Variants in PLCE1 observed in about 807,000 individuals in gnomAD.
PLCE1 encodes 1-phosphatidylinositol 4,5-bisphosphate phosphodiesterase epsilon-1.
A neutral mutation model predicts 242.8 loss-of-function variants in PLCE1; 119 were observed. The ratio of observed to expected loss-of-function variants is 0.49; its 90% CI spans 0.42 to 0.57. PLCE1 has a LOEUF of 0.57. PLCE1 is among the 20% of genes least tolerant of loss of function. The probability of loss-of-function intolerance (pLI) is 0.00; values close to 1 mark genes in which losing one functional copy is unlikely to be tolerated. For synonymous variants in PLCE1, 945 were observed against 1,017.4 expected (o/e 0.93, Z 1.35); for missense variants, 2,441 against 2,788.8 (o/e 0.88, Z 2.81).
At chr10:94,282,493 G>A (rs775146681) in intron 20 of PLCE1, among the ~76,000 whole-genome samples, 10 of 152,096 alleles carry the variant, frequency 6.6e-5, no homozygotes, top group Non-Finnish European at 1.3e-4. Context: ...ATCTGTTTCT[G>A]TACATTTGAA....
At chr10:94,069,478 T>C (rs1051285055) in intron 2 of PLCE1, among the ~76,000 whole-genome samples, 1 of 152,124 alleles carries the variant, frequency 6.6e-6, no homozygotes, top group African/African-American at 2.4e-5. Flanking sequence ...CCAGGAGTGG[T>C]GGCACATGCC....
At chr10:94,184,991 A>G (rs187020874) in intron 4 of PLCE1, among the ~76,000 whole-genome samples, 1 of 152,234 alleles carries the variant, frequency 6.6e-6, no homozygotes. Flanking sequence ...TAATTATCCT[A>G]TTAGGTACTG....
At chr10:94,213,142 G>A (rs979459445) in intron 4 of PLCE1, among the ~76,000 whole-genome samples, 12 of 152,120 alleles carry the variant, frequency 7.9e-5, no homozygotes, top group African/African-American at 2.9e-4. Context: ...TCTCATTTCA[G>A]GACATTCACT....
intron 22 of PLCE1, among the ~76,000 whole-genome samples, chr10:94,291,660 G>C (rs753724): frequency 2.0e-5 from 3 of 152,034 alleles, no homozygotes; most frequent in Non-Finnish European, 4.4e-5. Context: ...TTAGCACATC[G>C]TCGGGAGCAT....
At chr10:94,212,349 C>T (rs1054841075) in intron 4 of PLCE1, among the ~76,000 whole-genome samples, 1 of 152,156 alleles carries the variant, frequency 6.6e-6, no homozygotes, top group Admixed American at 6.5e-5. Context: ...CTCCGCCTCC[C>T]GGGTTCACGC....
rs577951879 is a variant in PLCE1, at chr10:94,031,128, G to A, written c.82G>A (p.Glu28Lys). 2 of 1,613,866 alleles carry A rather than the reference G, an allele frequency of 1.2e-6. No homozygotes were observed. The highest frequency in any genetic ancestry group is 2.2e-5 in the South Asian group (2 of 91,082). The part of the protein sequence containing the change: ...KVVSAQSAAD[E>K]SSEKVSDINI... ...GGTTTCTGCCCAGTCGGCTGCAGAT[G>A]AAAGTAGTGAAAAGGTCTCAGACAT... Residue 28 changes from glutamate to lysine, a missense_variant, in exon 2 of 33, where the codon GAA becomes AAA. Glu to Lys is a moderately conservative substitution (Grantham distance 56). Transcript: ENST00000371380.
At chr10:94,216,912 G>T (rs2049548607) in intron 4 of PLCE1, among the ~76,000 whole-genome samples, 1 of 151,480 alleles carries the variant, frequency 6.6e-6, no homozygotes, top group South Asian at 2.1e-4. Context: ...TGGCTGTGTG[G>T]GGAGCAAAGC....
chr10:94,135,132 A>G (rs987536282), intron 3 of PLCE1, among the ~76,000 whole-genome samples: 1 of 152,182 alleles, frequency 6.6e-6, no homozygotes, highest in African/African-American at 2.4e-5. Flanking sequence ...TGGGTTTCTC[A>G]CCACCAAAAA....
intron 5 of PLCE1, among the ~76,000 whole-genome samples, chr10:94,229,179 A>C (rs10882409): frequency 0.65 from 97,862 of 149,904 alleles, 32,295 homozygotes; most frequent in East Asian, 0.92. Flanking sequence ...GAAACTCTGT[A>C]TCAAAAAACA....
chr10:94,060,035 C>G (rs2044005556), intron 2 of PLCE1, among the ~76,000 whole-genome samples: 1 of 152,118 alleles, frequency 6.6e-6, no homozygotes, highest in Non-Finnish European at 1.5e-5. Flanking sequence ...CTTAAAAAGG[C>G]AGCAGAAAAC....
In PLCE1 at chr10:94,024,682, C is replaced by T. The variant is rs58193380; in HGVS notation, c.-364-6001C>T. 6.5e-3 allele frequency among the ~76,000 whole-genome samples: 988 copies of T among 152,138 alleles called. 15 individuals carry two copies. The highest frequency in any genetic ancestry group is 0.022 in the African/African-American group (927 of 41,514). On this transcript the variant is annotated intron_variant, in intron 1 of 32. Transcript: ENST00000371380. ...TTTTGTTATTGTTGTTAAGTCACAC[C>T]TCCTTTAAACACCTTTAATATGCTT...
Position 94,226,831 on chromosome 10 carries a change from C to CTCTTTTT in PLCE1, c.1810-474_1810-473insCTTTTTT, listed in dbSNP as rs67656949. On this transcript the variant is annotated intron_variant, in intron 4 of 32. Transcript: ENST00000371380. The stretch of plus-strand genomic sequence containing the variant: ...TATAAGAGATTAAGGACCTATAGGT[C>CTCTTTTT]TTTTTTTTTTTTTTTTTTTTTTTTT... Among the ~76,000 whole-genome samples, 532 of 101,762 alleles carry CTCTTTTT rather than the reference C, an allele frequency of 5.2e-3. 13 individuals carry two copies. The highest frequency in any genetic ancestry group is 9.1e-3 in the East Asian group (34 of 3,750). 66.8% of individuals were successfully genotyped at this position (101,762 alleles called of 152,430 possible).
intron 2 of PLCE1, among the ~76,000 whole-genome samples, chr10:94,054,929 G>A (rs560924238): frequency 2.7e-5 from 4 of 150,742 alleles, no homozygotes; most frequent in Admixed American, 1.3e-4. Flanking sequence ...GGAGAATGGC[G>A]TGAATCTGGG....
At chr10:94,270,819 G>A (rs190248670) in intron 18 of PLCE1, among the ~76,000 whole-genome samples, 3 of 152,124 alleles carry the variant, frequency 2.0e-5, no homozygotes, top group East Asian at 1.9e-4. Context: ...ACCAGCATGC[G>A]CCCCCATGCC....
chr10:94,105,875 A>G (rs1194763001), intron 2 of PLCE1: 1 of 152,230 alleles, frequency 6.6e-6, no homozygotes, highest in African/African-American at 2.4e-5. Context: ...ACCAATAAAT[A>G]CTCAACTTAT....
chr10:94,006,723 A>T (rs111696533), intron 1 of PLCE1, among the ~76,000 whole-genome samples: 1 of 152,238 alleles, frequency 6.6e-6, no homozygotes, highest in African/African-American at 2.4e-5. Context: ...TTTTTATCAG[A>T]TACTTGGAGA....
chr10:94,210,502 C>T (rs773158449), intron 4 of PLCE1, among the ~76,000 whole-genome samples: 1 of 152,168 alleles, frequency 6.6e-6, no homozygotes, highest in Non-Finnish European at 1.5e-5. Flanking sequence ...TGAGCTTGCT[C>T]ACCAAAATCA....
intron 27 of PLCE1, among the ~76,000 whole-genome samples, chr10:94,311,089 T>C (rs60996053): frequency 0.026 from 3,996 of 152,200 alleles, 172 homozygotes; most frequent in African/African-American, 0.088. Context: ...TGGAACAAGG[T>C]ATGGGAGGAG....
At chr10:94,118,839 G>A (rs984489492) in intron 2 of PLCE1, among the ~76,000 whole-genome samples, 27 of 152,192 alleles carry the variant, frequency 1.8e-4, no homozygotes, top group Admixed American at 1.0e-3. Context: ...TCTATCTGGG[G>A]ATAGATTGAA....
Sources: allele counts gnomAD v4.1 joint callset (sites outside exome capture counted in the v4.1 genomes callset), GRCh38; gene constraint gnomAD v4.1.1; transcripts MANE v1.5; gene names NCBI Gene and HGNC (gene_info 2026-07-23, HGNC 2026-07-21).